The following TLL2 variants were observed in gnomAD, a reference collection of about 807,000 sequenced individuals.
TLL2 encodes the protein tolloid like 2.
In TLL2, 106 loss-of-function variants were observed where a neutral mutation model predicts 123.0. That is an observed-to-expected ratio of 0.86 (90% confidence interval 0.74 to 1.01). The LOEUF is 1.01. Among genes scored for constraint, TLL2 ranks in the 50% least tolerant of loss-of-function variants. The pLI is 0.00. For missense variants in TLL2, 1,332 were observed against 1,336.7 expected, an observed-to-expected ratio of 1.00 and a Z score of 0.06; for synonymous variants, 494 against 516.8, an observed-to-expected ratio of 0.96 and a Z score of 0.60.
At chr10:96,489,969 G>T (rs367635455) in intron 1 of TLL2, among the ~76,000 whole-genome samples, 1 of 151,744 alleles carries the variant, frequency 6.6e-6, no homozygotes. Context: ...GGTTGTGCGC[G>T]CCTGTAGTCC....
At chr10:96,499,331 G>C (rs1000475808) in intron 1 of TLL2, among the ~76,000 whole-genome samples, 2 of 152,204 alleles carry the variant, frequency 1.3e-5, no homozygotes, top group African/African-American at 2.4e-5. Flanking sequence ...ATTTCAGCCC[G>C]GGATGGGTGG....
At chr10:96,457,952 TCCC>T (rs1166686903) in intron 2 of TLL2, among the ~76,000 whole-genome samples, 1 of 152,170 alleles carries the variant, frequency 6.6e-6, no homozygotes, top group African/African-American at 2.4e-5. Context: ...ATTGTCTGTC[TCCC>T]CAACACCTTC....
At chr10:96,511,693 C>A (rs1847632873) in intron 1 of TLL2, among the ~76,000 whole-genome samples, 1 of 152,240 alleles carries the variant, frequency 6.6e-6, no homozygotes, top group African/African-American at 2.4e-5. Context: ...TCTTTCACAT[C>A]TGGATTCACA....
At chr10:96,497,018 T>A (rs1323543653) in intron 1 of TLL2, among the ~76,000 whole-genome samples, 1 of 152,110 alleles carries the variant, frequency 6.6e-6, no homozygotes. Flanking sequence ...CAGTGGCTCA[T>A]GCCTGTAATC....
At chr10:96,373,553 C>T in intron 19 of TLL2, 43 bp downstream of exon 19, 2 of 1,580,818 alleles carry the variant, frequency 1.3e-6, no homozygotes, top group Non-Finnish European at 1.7e-6. Flanking sequence ...TGTCTCCTGT[C>T]CAAGTGCTCA....
At chr10:96,395,411 T>C in intron 12 of TLL2, 29 bp from the exon 13 acceptor site, 2 of 1,541,638 alleles carry the variant, frequency 1.3e-6, no homozygotes, top group Non-Finnish European at 1.7e-6. Flanking sequence ...GCAAGGTGGA[T>C]GGCAGATGGT....
intron 5 of TLL2, among the ~76,000 whole-genome samples, chr10:96,427,150 C>G (rs754833438): frequency 1.3e-5 from 2 of 152,100 alleles, no homozygotes; most frequent in African/African-American, 4.8e-5. Context: ...TTTTAACTTA[C>G]CAGCTAATGT....
rs374588772 is a variant in TLL2 at position 96,410,391 on chromosome 10, C to G, written c.1132G>C (p.Val378Leu). ...PNGYPSYSHCVWRISVTPGEK... is the reference protein window; with the variant it reads ...PNGYPSYSHCLWRISVTPGEK... The stretch of plus-strand genomic sequence containing the variant: ...CCTGGGGTGACCGAGATCCTCCAGA[C>G]GCAGTGGGAGTAAGATGGGTACCCA... Residue 378 changes from valine (V) to leucine (L), a missense_variant, in exon 9 of 21, where the codon GTC becomes CTC. By Grantham distance (32) the Val-to-Leu change is conservative. Coordinates refer to ENST00000357947, the MANE Select transcript of TLL2 (RefSeq NM_012465.4). The G allele has an allele frequency of 1.2e-6, 2 of 1,613,620 alleles. No individual in the cohort carries two copies. The highest frequency in any genetic ancestry group is 1.3e-5 in the African/African-American group (1 of 74,906).
chr10:96,384,469 C>T, intron 16 of TLL2, 118 bp downstream of exon 16: 1 of 1,114,282 alleles, frequency 9.0e-7, no homozygotes, highest in Non-Finnish European at 1.2e-6. Context: ...GGCAGCCATA[C>T]CTGGAGGGAT....
At chr10:96,508,542 A>G (rs1847597896) in intron 1 of TLL2, among the ~76,000 whole-genome samples, 1 of 152,154 alleles carries the variant, frequency 6.6e-6, no homozygotes, top group Non-Finnish European at 1.5e-5. Context: ...AGGCCCTGGT[A>G]TTTACCAAGC....
In TLL2 at chr10:96,475,858, A is replaced by G. The variant is rs565166687; in HGVS notation, c.286+4491T>C. ...TTGAATTATGGGACGGGTCTTTCCC[A>G]TGCTGTTCTCATGATAGTAAGTGGG... On this transcript the variant is annotated intron_variant, in intron 2 of 20. Transcript: ENST00000357947. Among the ~76,000 whole-genome samples, 99 of 152,194 alleles carry G rather than the reference A, an allele frequency of 6.5e-4. 1 individual carries two copies. The highest frequency in any genetic ancestry group is 3.4e-3 in the Middle Eastern group (1 of 294).
Position 96,370,236 on chromosome 10 carries a change from CG to C in TLL2, c.2741del (p.Pro914ArgfsTer9). On this transcript the variant is annotated frameshift_variant, in exon 20 of 21. Coordinates refer to ENST00000357947, the MANE Select transcript of TLL2 (RefSeq NM_012465.4). LOFTEE classifies it high-confidence loss of function. ...TCACCCAGTCACAGCGGGCCTCGCT[CG>C]GGTAGTTGTTGTCCCCAAACTGGGC... ...SHAQFGDNNYPSEARCDWVIV... is the reference protein window; with the variant it reads ...SHAQFGDNNYXSEARCDWVIV... The C allele has an allele frequency of 1.9e-6, 3 of 1,613,526 alleles. No homozygotes were observed. Among genetic ancestry groups the C allele is most frequent in the Non-Finnish European group, 2.5e-6 (3 of 1,179,666 alleles).
chr10:96,416,933 AC>A (rs1846568470), intron 7 of TLL2, among the ~76,000 whole-genome samples: 1 of 152,196 alleles, frequency 6.6e-6, no homozygotes, highest in Non-Finnish European at 1.5e-5. Flanking sequence ...GTACAAGAGA[AC>A]TGTCTCCTCA....
intron 2 of TLL2, among the ~76,000 whole-genome samples, chr10:96,461,183 C>CT (rs1847079138): frequency 2.0e-5 from 3 of 152,198 alleles, no homozygotes; most frequent in African/African-American, 7.2e-5. Flanking sequence ...TGGAAGTGGA[C>CT]TTTTCATTGT....
chr10:96,366,370 T>C lies in TLL2; in HGVS notation c.*1718A>G, dbSNP rs758898160. On this transcript the variant is annotated 3_prime_UTR_variant, in exon 21 of 21. Transcript: ENST00000357947. ...AGAGCCAGTCCTGCAGGGCCCACAG[T>C]AAAGCGAGGACCAGGGGTTGGCATT... The C allele has an allele frequency of 1.3e-5, 2 of 152,716 alleles. No homozygotes were observed. The highest frequency in any genetic ancestry group is 1.3e-4 in the Admixed American group (2 of 15,290). 9.5% of individuals were successfully genotyped at this position (152,716 alleles called of 1,614,324 possible).
chr10:96,368,077 G>A lies in TLL2; in HGVS notation c.*11C>T. 9.3e-6 allele frequency: 15 copies of A among 1,611,286 alleles called. No individual in the cohort carries two copies. The highest frequency in any genetic ancestry group is 1.3e-5 in the Non-Finnish European group (15 of 1,178,920). ...AAAATTCTCAGTTTCTGTCTTTCAAGAACATCAGCACTATTTCTTCATGTG... is the reference window on the plus strand; with the variant it reads ...AAAATTCTCAGTTTCTGTCTTTCAAAAACATCAGCACTATTTCTTCATGTG... On this transcript the variant is annotated 3_prime_UTR_variant, in exon 21 of 21. Transcript: ENST00000357947.
intron 2 of TLL2, among the ~76,000 whole-genome samples, chr10:96,467,469 G>A (rs148375846): frequency 1.3e-3 from 202 of 152,232 alleles, no homozygotes; most frequent in Non-Finnish European, 1.7e-3. Flanking sequence ...CTGGCCTCAC[G>A]TGATCCTTCT....
chr10:96,511,390 C>T (rs1847630540), intron 1 of TLL2, among the ~76,000 whole-genome samples: 1 of 152,160 alleles, frequency 6.6e-6, no homozygotes, highest in African/African-American at 2.4e-5. Context: ...TTGTCCTTAT[C>T]ATCGCCCTCT....
At chr10:96,453,276 C>T (rs1369366357) in intron 2 of TLL2, among the ~76,000 whole-genome samples, 4 of 151,826 alleles carry the variant, frequency 2.6e-5, no homozygotes, top group Non-Finnish European at 4.4e-5. Flanking sequence ...CTCAACATGG[C>T]GAAACCCCGT....
Sources: gnomAD v4.1 joint callset for allele counts (sites outside exome capture counted in the v4.1 genomes callset) on GRCh38, gnomAD v4.1.1 for gene constraint, MANE v1.5 for transcripts, NCBI Gene and HGNC (gene_info 2026-07-23, HGNC 2026-07-21) for gene names.